The following CFAP91 variants were observed in gnomAD, a reference collection of about 807,000 sequenced individuals.
CFAP91 encodes the protein cilia and flagella associated protein 91, also known as cilia- and flagella-associated protein 91.
In CFAP91, 85 loss-of-function variants were observed where a neutral mutation model predicts 95.9. The observed-to-expected ratio is 0.89, with a 90% CI of 0.74 to 1.06. CFAP91 has a LOEUF of 1.06. Ranked by LOEUF, CFAP91 falls within the 50% of genes least tolerant of loss-of-function variation. The pLI, the probability that CFAP91 is intolerant of heterozygous loss-of-function variation, is 0.00. For missense variants in CFAP91, 962 were observed against 943.4 expected, an observed-to-expected ratio of 1.02 and a Z score of -0.26; for synonymous variants, 335 against 327.5, an observed-to-expected ratio of 1.02 and a Z score of -0.25.
intron 17 of CFAP91, among the ~76,000 whole-genome samples, 171 bp downstream of exon 17, chr3:119,751,269 T>G (rs1423604590): frequency 6.6e-6 from 1 of 152,258 alleles, no homozygotes; most frequent in Non-Finnish European, 1.5e-5. Context: ...ACTGTTGAGA[T>G]TATTAGAAAA....
intron 5 of CFAP91, among the ~76,000 whole-genome samples, chr3:119,714,114 G>A (rs564107082): frequency 6.1e-4 from 93 of 152,164 alleles, no homozygotes; most frequent in African/African-American, 2.1e-3. Flanking sequence ...TGTAATCCCA[G>A]CACTTTGGGA....
intron 17 of CFAP91, among the ~76,000 whole-genome samples, chr3:119,764,815 C>G (rs753722433): frequency 1.3e-5 from 2 of 151,876 alleles, no homozygotes; most frequent in Non-Finnish European, 2.9e-5. Flanking sequence ...GTATACAACC[C>G]AGTTAATGTA....
In CFAP91 at chr3:119,765,392, T is replaced by A. The variant is rs2054610099; in HGVS notation, c.*342T>A. 1 of 152,236 alleles carries A rather than the reference T, an allele frequency of 6.6e-6. No homozygotes were observed. Among genetic ancestry groups the A allele is most frequent in the South Asian group, 2.1e-4 (1 of 4,832 alleles). The allele number at this position is 152,236 out of a possible 1,614,324, so 9.4% of individuals were successfully genotyped here. On this transcript the variant is annotated 3_prime_UTR_variant, in exon 18 of 18. Coordinates refer to ENST00000273390, the MANE Select transcript of CFAP91 (RefSeq NM_033364.4). ...ATTTTTCCAAGTAGTTTTGGTTCACTATTCACAGGACATTGGCATTATCTA... is the reference window on the plus strand; with the variant it reads ...ATTTTTCCAAGTAGTTTTGGTTCACAATTCACAGGACATTGGCATTATCTA...
chr3:119,732,697 T>C (rs1398270045), intron 9 of CFAP91, among the ~76,000 whole-genome samples: 2 of 152,212 alleles, frequency 1.3e-5, no homozygotes, highest in East Asian at 1.9e-4. Context: ...CTAGTAAATG[T>C]TAAAAAAATG....
At chr3:119,731,311 A>T (rs2053892272) in intron 8 of CFAP91, among the ~76,000 whole-genome samples, 2 of 152,218 alleles carry the variant, frequency 1.3e-5, no homozygotes, top group African/African-American at 2.4e-5. Flanking sequence ...ATCACATTTT[A>T]AAAAATCATT....
At chr3:119,747,491 A>C in intron 15 of CFAP91, 1 of 567,670 alleles carries the variant, frequency 1.8e-6, no homozygotes, top group Non-Finnish European at 3.1e-6. Flanking sequence ...TACTTTAAGA[A>C]TACTCGGAAG....
chr3:119,722,196 G>T (rs1202566190), intron 6 of CFAP91, among the ~76,000 whole-genome samples: 1 of 138,520 alleles, frequency 7.2e-6, no homozygotes, highest in South Asian at 2.2e-4. Flanking sequence ...AAAAAAAAAA[G>T]GAAGAAGATG....
chr3:119,740,458 A>C, intron 12 of CFAP91, 91 bp from the exon 13 acceptor site: 1 of 1,436,164 alleles, frequency 7.0e-7, no homozygotes, highest in Admixed American at 2.0e-5. Context: ...CACTGTTCAC[A>C]AGTGTCTCAC....
At chr3:119,714,277 A>G (rs1465995306) in intron 5 of CFAP91, among the ~76,000 whole-genome samples, 1 of 151,712 alleles carries the variant, frequency 6.6e-6, no homozygotes, top group East Asian at 1.9e-4. Flanking sequence ...GAGGCAGGAG[A>G]ATGGCCTGAA....
At chr3:119,705,266 A>G (rs1167104388) in intron 1 of CFAP91, among the ~76,000 whole-genome samples, 1 of 152,256 alleles carries the variant, frequency 6.6e-6, no homozygotes, top group East Asian at 1.9e-4. Flanking sequence ...TGGCTGGCCA[A>G]TGAATTGACT....
At position 119,709,834 on chromosome 3, in the gene CFAP91, C is replaced by G; in HGVS notation, c.444-5C>G. 1 of 1,609,198 alleles carries G rather than the reference C, an allele frequency of 6.2e-7. No individual in the cohort carries two copies. The highest frequency in any genetic ancestry group is 8.5e-7 in the Non-Finnish European group (1 of 1,175,658). On this transcript the variant is annotated splice_region_variant and splice_polypyrimidine_tract_variant and intron_variant, in intron 4 of 17. Transcript: ENST00000273390. ...CACACATTTATGTTTTCTTTTTCCT[C>G]CCAGGCCTTTTCTCCCATTTTTTCA...
chr3:119,728,089 T>A (rs192442104), intron 7 of CFAP91, among the ~76,000 whole-genome samples: 114 of 151,834 alleles, frequency 7.5e-4, no homozygotes, highest in African/African-American at 2.6e-3. Flanking sequence ...ATCAGATAAG[T>A]GAATGGTAAG....
At chr3:119,724,155 C>G (rs1392928350) in intron 6 of CFAP91, among the ~76,000 whole-genome samples, 3 of 121,292 alleles carry the variant, frequency 2.5e-5, no homozygotes, top group African/African-American at 1.0e-4. Context: ...GTGACAAGAG[C>G]AAGACTTCAT....
chr3:119,738,747 T>C (rs1468346460), intron 11 of CFAP91, among the ~76,000 whole-genome samples: 4 of 152,176 alleles, frequency 2.6e-5, no homozygotes, highest in Admixed American at 2.6e-4. Flanking sequence ...CAGACCCTGC[T>C]TTTTCTGCTT....
intron 17 of CFAP91, among the ~76,000 whole-genome samples, chr3:119,757,231 C>A (rs1299662931): frequency 6.6e-6 from 1 of 152,144 alleles, no homozygotes; most frequent in Non-Finnish European, 1.5e-5. Flanking sequence ...ACGGCCTCCC[C>A]CTAAATGTAG....
rs746355488 is a variant in CFAP91 at position 119,747,266 on chromosome 3, G to A, written c.2051+3G>A. The A allele has an allele frequency of 1.9e-6, 3 of 1,611,850 alleles. No homozygotes were observed. Among genetic ancestry groups the A allele is most frequent in the Admixed American group, 1.7e-5 (1 of 59,618 alleles). On this transcript the variant is annotated splice_donor_region_variant and intron_variant, in intron 15 of 17. Coordinates refer to ENST00000273390, the MANE Select transcript of CFAP91 (RefSeq NM_033364.4). ...ATTGCTTATGAAATGGAAAGCCGGTGTGTATCAAGAGAACAGATTGTAGAA... is the reference window on the plus strand; with the variant it reads ...ATTGCTTATGAAATGGAAAGCCGGTATGTATCAAGAGAACAGATTGTAGAA...
chr3:119,735,149 T>C (rs1037993255), intron 10 of CFAP91, among the ~76,000 whole-genome samples: 1 of 152,184 alleles, frequency 6.6e-6, no homozygotes, highest in Admixed American at 6.5e-5. Context: ...TTTTCCTTAA[T>C]CAAGTTTACT....
intron 17 of CFAP91, among the ~76,000 whole-genome samples, chr3:119,760,318 G>C (rs115038380): frequency 0.016 from 2,465 of 151,818 alleles, 44 homozygotes; most frequent in Non-Finnish European, 0.025. Context: ...TAAAGGGGTC[G>C]ATTCATCAAG....
At chr3:119,725,744 G>C (rs1316025081) in intron 6 of CFAP91, among the ~76,000 whole-genome samples, 1 of 151,686 alleles carries the variant, frequency 6.6e-6, no homozygotes, top group Non-Finnish European at 1.5e-5. Flanking sequence ...GCAACAGAGT[G>C]AGACCTTGAT....
Sources: gnomAD v4.1 joint callset for allele counts (sites outside exome capture counted in the v4.1 genomes callset) on GRCh38, gnomAD v4.1.1 for gene constraint, MANE v1.5 for transcripts, NCBI Gene and HGNC (gene_info 2026-07-23, HGNC 2026-07-21) for gene names.